Variants in GPR137B observed in about 807,000 individuals in gnomAD.
GPR137B encodes the protein integral membrane protein GPR137B.
Under a neutral mutation model 42.5 loss-of-function variants are expected in GPR137B, and 42 were observed. That is an observed-to-expected ratio of 0.99 (90% confidence interval 0.77 to 1.28). GPR137B has a LOEUF of 1.28. GPR137B is among the 50% of genes most tolerant of loss of function. GPR137B has a pLI of 0.00. For synonymous variants in GPR137B, 218 were observed against 209.7 expected, an observed-to-expected ratio of 1.04 and a Z score of -0.34; for missense variants, 487 against 493.9, an observed-to-expected ratio of 0.99 and a Z score of 0.13.
rs1396010031 is a variant in GPR137B, at chr1:236,186,723, T to C, written c.966+2817T>C. On this transcript the variant is annotated intron_variant, in intron 5 of 6. Coordinates refer to ENST00000366592, the MANE Select transcript of GPR137B (RefSeq NM_003272.4). ...TGGTATGTATGTGCCACATTTTCTTTATCCAGTCTATCATTGATGGACATT... is the reference window on the plus strand; with the variant it reads ...TGGTATGTATGTGCCACATTTTCTTCATCCAGTCTATCATTGATGGACATT... Among the ~76,000 whole-genome samples, 8 of 152,120 alleles carry C rather than the reference T, an allele frequency of 5.3e-5. No homozygotes were observed. The South Asian group carries it at 1.0e-3, about 20-fold the overall frequency.
intron 5 of GPR137B, among the ~76,000 whole-genome samples, chr1:236,201,890 G>GA (rs1205147493): frequency 1.3e-5 from 2 of 151,902 alleles, no homozygotes; most frequent in Admixed American, 1.3e-4. Flanking sequence ...TATTTCACTG[G>GA]AAAAATCTGG....
intron 5 of GPR137B, among the ~76,000 whole-genome samples, chr1:236,185,516 A>T (rs1461485770): frequency 6.6e-6 from 1 of 152,210 alleles, no homozygotes; most frequent in African/African-American, 2.4e-5. Context: ...TAAGCACTCC[A>T]AGTGATCTGA....
rs1444451079 is a variant in GPR137B at position 236,142,605 on chromosome 1, C to A, written c.-18C>A. On this transcript the variant is annotated 5_prime_UTR_variant, in exon 1 of 7. Coordinates refer to ENST00000366592, the MANE Select transcript of GPR137B (RefSeq NM_003272.4). ...TGCGCGGAGACCCCCGCGGGGGCGG[C>A]GGCGGCCGTGAGCCCCGATGAGGCC... 1 of 1,289,090 alleles carries A rather than the reference C, an allele frequency of 7.8e-7. No individual in the cohort carries two copies. Among genetic ancestry groups the A allele is most frequent in the Non-Finnish European group, 9.8e-7 (1 of 1,023,770 alleles). 79.9% of individuals were successfully genotyped at this position (1,289,090 alleles called of 1,614,324 possible).
chr1:236,146,693 C>T (rs1175618686), intron 1 of GPR137B, among the ~76,000 whole-genome samples: 2 of 152,200 alleles, frequency 1.3e-5, no homozygotes, highest in South Asian at 2.1e-4. Context: ...GAGGGTAATG[C>T]GATCATGAGC....
intron 1 of GPR137B, among the ~76,000 whole-genome samples, chr1:236,146,125 C>T (rs888646632): frequency 1.1e-4 from 16 of 151,672 alleles, no homozygotes; most frequent in Non-Finnish European, 1.6e-4. Flanking sequence ...CCCAAAGTGC[C>T]GTGATTACAG....
chr1:236,153,114 CGTATT>C (rs1438848467), intron 1 of GPR137B, among the ~76,000 whole-genome samples: 2 of 151,502 alleles, frequency 1.3e-5, no homozygotes, highest in African/African-American at 2.4e-5. Context: ...AAAAAAAAGA[CGTATT>C]GAAGCAAAAT....
intron 2 of GPR137B, among the ~76,000 whole-genome samples, chr1:236,172,791 C>T (rs1662580689): frequency 6.6e-6 from 1 of 151,420 alleles, no homozygotes; most frequent in Non-Finnish European, 1.5e-5. Context: ...CTCAAGCGAT[C>T]CTCCTGCCTC....
chr1:236,163,847 A>G (rs1662268232), intron 1 of GPR137B, among the ~76,000 whole-genome samples: 1 of 151,856 alleles, frequency 6.6e-6, no homozygotes, highest in African/African-American at 2.4e-5. Context: ...CATACCTCCC[A>G]TGCCTCCACA....
chr1:236,190,458 A>C (rs1450935065), intron 5 of GPR137B, among the ~76,000 whole-genome samples: 1 of 152,180 alleles, frequency 6.6e-6, no homozygotes, highest in Admixed American at 6.5e-5. Flanking sequence ...ATGTTTTTGC[A>C]GTGGCTGGTA....
At chr1:236,202,516 A>C (rs1663522055) in intron 5 of GPR137B, among the ~76,000 whole-genome samples, 1 of 152,020 alleles carries the variant, frequency 6.6e-6, no homozygotes, top group African/African-American at 2.4e-5. Context: ...TCCTGGAGCA[A>C]AAGTCCATGG....
intron 5 of GPR137B, among the ~76,000 whole-genome samples, chr1:236,190,737 C>T (rs999824056): frequency 2.0e-5 from 3 of 152,132 alleles, no homozygotes; most frequent in African/African-American, 7.2e-5. Flanking sequence ...GTGGGTAACC[C>T]GACCTTTCTG....
rs75825331 is a variant in GPR137B at position 236,167,237 on chromosome 1, A to G, written c.415-1469A>G. Among the ~76,000 whole-genome samples the G allele has an allele frequency of 8.7e-3, 1,324 of 152,302 alleles. 17 individuals are homozygous for G. Among genetic ancestry groups the G allele is most frequent in the African/African-American group, 0.029 (1,210 of 41,556 alleles). On this transcript the variant is annotated intron_variant, in intron 1 of 6. Coordinates refer to ENST00000366592, the MANE Select transcript of GPR137B (RefSeq NM_003272.4). ...CAAGCTAGTTAACAACATATCCATC[A>G]CCTCACACAGTTGCCCACCCTTGTT...
At chr1:236,147,690 C>A (rs112581073) in intron 1 of GPR137B, among the ~76,000 whole-genome samples, 1 of 152,168 alleles carries the variant, frequency 6.6e-6, no homozygotes. Flanking sequence ...CAGGCTCCAC[C>A]GGGACTCCAC....
chr1:236,205,363 G>A, intron 6 of GPR137B, 113 bp downstream of exon 6: 1 of 802,692 alleles, frequency 1.2e-6, no homozygotes, highest in East Asian at 2.5e-5. Flanking sequence ...GCCTTAGGTG[G>A]TATAAGACTG....
chr1:236,198,393 A>G (rs568670181), intron 5 of GPR137B, among the ~76,000 whole-genome samples: 28 of 151,964 alleles, frequency 1.8e-4, no homozygotes, highest in African/African-American at 6.5e-4. Flanking sequence ...TTTAGTAGAG[A>G]CAGGGTTTTG....
intron 5 of GPR137B, among the ~76,000 whole-genome samples, chr1:236,195,247 C>T (rs1663300753): frequency 6.6e-6 from 1 of 150,720 alleles, no homozygotes; most frequent in African/African-American, 2.4e-5. Context: ...CCCCATTAAC[C>T]ATACTCTCCC....
chr1:236,175,211 A>G (rs1662649992), intron 2 of GPR137B, among the ~76,000 whole-genome samples: 3 of 152,166 alleles, frequency 2.0e-5, no homozygotes, highest in South Asian at 2.1e-4. Flanking sequence ...ACAGAAAATC[A>G]TAAGAGAAAA....
intron 1 of GPR137B, among the ~76,000 whole-genome samples, chr1:236,154,514 C>T (rs1364780899): frequency 6.6e-6 from 1 of 151,788 alleles, no homozygotes; most frequent in African/African-American, 2.4e-5. Context: ...GTGTCAGGAG[C>T]AGACCAAGTC....
chr1:236,165,808 T>G (rs1662335772), intron 1 of GPR137B, among the ~76,000 whole-genome samples: 1 of 152,198 alleles, frequency 6.6e-6, no homozygotes, highest in Admixed American at 6.5e-5. Context: ...TTCCTAGCAG[T>G]TTCTAAATTT....
Sources: allele counts gnomAD v4.1 joint callset (sites outside exome capture counted in the v4.1 genomes callset), GRCh38; gene constraint gnomAD v4.1.1; transcripts MANE v1.5; gene names NCBI Gene and HGNC (gene_info 2026-07-23, HGNC 2026-07-21).